Variants in NR6A1 observed in about 807,000 individuals in gnomAD.
NR6A1 encodes the protein retinoic acid receptor-related testis-associated receptor.
A neutral mutation model predicts 59.1 loss-of-function variants in NR6A1; 7 were observed. That is an observed-to-expected ratio of 0.12 (90% CI 0.07 to 0.22). NR6A1 has a LOEUF of 0.22. Among genes scored for constraint, NR6A1 ranks in the 10% least tolerant of loss-of-function variants. The pLI is 1.00. For synonymous variants in NR6A1, 243 were observed against 236.1 expected (o/e 1.03, Z -0.27); for missense variants, 468 against 611.6 (o/e 0.77, Z 2.48).
At chr9:124,742,629 C>A (rs1296689904) in intron 1 of NR6A1, among the ~76,000 whole-genome samples, 1 of 152,132 alleles carries the variant, frequency 6.6e-6, no homozygotes, top group Non-Finnish European at 1.5e-5. Flanking sequence ...GTAATCCCAG[C>A]ATTTTGGGAG....
chr9:124,723,779 C>T lies in NR6A1; in HGVS notation c.142+9529G>A, dbSNP rs115212915. Among the ~76,000 whole-genome samples, 196 of 152,228 alleles carry T rather than the reference C, an allele frequency of 1.3e-3. 1 individual carries two copies. The highest frequency in any genetic ancestry group is 4.5e-3 in the African/African-American group (187 of 41,528). On this transcript the variant is annotated intron_variant, in intron 2 of 9. Coordinates refer to ENST00000487099, the MANE Select transcript of NR6A1 (RefSeq NM_033334.4). The stretch of plus-strand genomic sequence containing the variant: ...ACAGCAACCCAATAAAATAAAAATA[C>T]ATTTTACTGTCCTCATTTCATAGAT...
chr9:124,575,069 T>C (rs1404012299), intron 2 of NR6A1, among the ~76,000 whole-genome samples: 1 of 152,188 alleles, frequency 6.6e-6, no homozygotes. Flanking sequence ...TGTTCCTGCC[T>C]ATTGAAATAT....
chr9:124,599,489 A>T (rs1010724026), intron 2 of NR6A1: 5 of 493,880 alleles, frequency 1.0e-5, no homozygotes, highest in African/African-American at 2.0e-5. Context: ...AGGAAGAGAA[A>T]CTACTGGCTT....
intron 2 of NR6A1, among the ~76,000 whole-genome samples, chr9:124,616,558 CTA>C (rs1835900698): frequency 6.6e-6 from 1 of 151,980 alleles, no homozygotes; most frequent in Non-Finnish European, 1.5e-5. Context: ...AGATCTGCAT[CTA>C]TATAAAGGTC....
At chr9:124,764,597 G>C (rs747804656) in intron 1 of NR6A1, among the ~76,000 whole-genome samples, 1 of 152,132 alleles carries the variant, frequency 6.6e-6, no homozygotes, top group Non-Finnish European at 1.5e-5. Context: ...CTCAAAATAT[G>C]AATCTTGAGT....
At chr9:124,631,904 T>C (rs959099422) in intron 2 of NR6A1, among the ~76,000 whole-genome samples, 1 of 152,200 alleles carries the variant, frequency 6.6e-6, no homozygotes, top group African/African-American at 2.4e-5. Context: ...TACTTATAAG[T>C]GAGAACATGC....
chr9:124,660,192 C>A (rs1488152638), intron 2 of NR6A1, among the ~76,000 whole-genome samples: 1 of 152,162 alleles, frequency 6.6e-6, no homozygotes, highest in Non-Finnish European at 1.5e-5. Flanking sequence ...AGCTACTTAG[C>A]ATTTTCCCAA....
intron 7 of NR6A1, among the ~76,000 whole-genome samples, chr9:124,535,478 T>C (rs993008970): frequency 2.0e-5 from 3 of 152,192 alleles, no homozygotes; most frequent in Admixed American, 2.0e-4. Context: ...CTTGGGAGGC[T>C]GAGGCAGGAG....
At chr9:124,750,691 C>T (rs920528051) in intron 1 of NR6A1, among the ~76,000 whole-genome samples, 2 of 151,824 alleles carry the variant, frequency 1.3e-5, no homozygotes, top group Non-Finnish European at 2.9e-5. Flanking sequence ...ACCCAGGAGG[C>T]GGAGGTTGCA....
intron 2 of NR6A1, among the ~76,000 whole-genome samples, chr9:124,653,588 G>A (rs984207918): frequency 2.0e-5 from 3 of 152,098 alleles, no homozygotes; most frequent in African/African-American, 7.2e-5. Context: ...TTTATTTTTT[G>A]TAGATATGGG....
intron 2 of NR6A1, chr9:124,599,419 C>CAAAAAA: frequency 3.4e-6 from 1 of 291,504 alleles, no homozygotes. Flanking sequence ...TACATGGTCT[C>CAAAAAA]AAAAAAAAAA....
chr9:124,653,452 C>T (rs1433032171), intron 2 of NR6A1, among the ~76,000 whole-genome samples: 1 of 152,116 alleles, frequency 6.6e-6, no homozygotes, highest in Non-Finnish European at 1.5e-5. Flanking sequence ...GTCTCTGTCA[C>T]CATCCTGGAG....
intron 1 of NR6A1, among the ~76,000 whole-genome samples, chr9:124,744,529 C>T (rs1840268117): frequency 6.6e-6 from 1 of 152,172 alleles, no homozygotes; most frequent in South Asian, 2.1e-4. Flanking sequence ...TTGCGCAGTG[C>T]ATGTTCTGCA....
At chr9:124,551,361 C>T (rs1157257244) in intron 3 of NR6A1, among the ~76,000 whole-genome samples, 1 of 152,174 alleles carries the variant, frequency 6.6e-6, no homozygotes, top group Non-Finnish European at 1.5e-5. Flanking sequence ...TCCAATCTAG[C>T]ACGAGGGGAT....
At position 124,520,304 on chromosome 9, in the gene NR6A1, C is replaced by G. The variant is rs953345554; in HGVS notation, c.*2401G>C. ...CATTAAAGACGGTCCACAGGTCAGG[C>G]TCCGGCTCGGAACACACAGCCACTT... On this transcript the variant is annotated 3_prime_UTR_variant, in exon 10 of 10. Coordinates refer to ENST00000487099, the MANE Select transcript of NR6A1 (RefSeq NM_033334.4). 2.0e-5 allele frequency: 3 copies of G among 152,238 alleles called. No homozygotes were observed. Among genetic ancestry groups the G allele is most frequent in the Non-Finnish European group, 4.4e-5 (3 of 68,048 alleles). 9.4% of individuals were successfully genotyped at this position (152,238 alleles called of 1,614,324 possible).
chr9:124,685,505 T>G (rs1160944054), intron 2 of NR6A1, among the ~76,000 whole-genome samples: 1 of 152,192 alleles, frequency 6.6e-6, no homozygotes, highest in Non-Finnish European at 1.5e-5. Flanking sequence ...ATTTTTTCAA[T>G]TTTTAGTAGA....
intron 2 of NR6A1, among the ~76,000 whole-genome samples, chr9:124,699,222 G>A (rs1242072678): frequency 6.6e-6 from 1 of 152,210 alleles, no homozygotes; most frequent in Non-Finnish European, 1.5e-5. Flanking sequence ...GTACAGACAA[G>A]TAGTTCAGAC....
intron 1 of NR6A1, among the ~76,000 whole-genome samples, chr9:124,754,469 A>G (rs1253671924): frequency 6.6e-6 from 1 of 152,188 alleles, no homozygotes; most frequent in Non-Finnish European, 1.5e-5. Flanking sequence ...AAGATGTTCA[A>G]TTTGTCTCTA....
At chr9:124,557,103 A>T (rs1195158698) in intron 2 of NR6A1, among the ~76,000 whole-genome samples, 1 of 152,146 alleles carries the variant, frequency 6.6e-6, no homozygotes, top group Non-Finnish European at 1.5e-5. Context: ...TGACAAATTG[A>T]CATAACCACG....
Sources: allele counts gnomAD v4.1 joint callset (sites outside exome capture counted in the v4.1 genomes callset), GRCh38; gene constraint gnomAD v4.1.1; transcripts MANE v1.5; gene names NCBI Gene and HGNC (gene_info 2026-07-23, HGNC 2026-07-21).